GRM1: variants seen among roughly 807,000 people sequenced by gnomAD.
The protein encoded by GRM1 is glutamate metabotropic receptor 1, also known as metabotropic glutamate receptor 1.
A neutral mutation model predicts 90.9 loss-of-function variants in GRM1; 33 were observed. The observed-to-expected ratio is 0.36, with a 90% CI of 0.28 to 0.49. GRM1 has a LOEUF of 0.49. Ranked by LOEUF, GRM1 falls within the 20% of genes least tolerant of loss-of-function variation. GRM1 has a pLI of 0.99. For synonymous variants in GRM1, 700 were observed against 613.2 expected, an observed-to-expected ratio of 1.14 and a Z score of -2.09; for missense variants, 1,190 against 1,534.3, an observed-to-expected ratio of 0.78 and a Z score of 3.75.
intron 6 of GRM1, among the ~76,000 whole-genome samples, chr6:146,389,212 G>A (rs770696187): frequency 8.6e-5 from 13 of 151,962 alleles, no homozygotes; most frequent in Non-Finnish European, 1.9e-4. Context: ...CAGCTGACTA[G>A]GAAAAAGCTC....
At chr6:146,177,653 G>C (rs754056280) in intron 2 of GRM1, among the ~76,000 whole-genome samples, 3 of 151,968 alleles carry the variant, frequency 2.0e-5, no homozygotes, top group Non-Finnish European at 4.4e-5. Context: ...TGGCATCTCT[G>C]CCTTCACTGA....
In GRM1 at chr6:146,174,410, T is replaced by G. The variant is rs759663754; in HGVS notation, c.950+14813T>G. Among the ~76,000 whole-genome samples, 46 of 152,338 alleles carry G rather than the reference T, an allele frequency of 3.0e-4. 1 individual carries two copies. The highest frequency in any genetic ancestry group is 1.6e-3 in the Admixed American group (25 of 15,306). Reference sequence around the variant, plus strand: ...TAGCACATTATATAGTTCTTAAATTTTACTCTAGTCCATGCCTGTGGGGAT... The same window carrying G: ...TAGCACATTATATAGTTCTTAAATTGTACTCTAGTCCATGCCTGTGGGGAT... On this transcript the variant is annotated intron_variant, in intron 2 of 7. Transcript: ENST00000282753.
At chr6:146,122,770 C>G (rs1380113748) in intron 1 of GRM1, among the ~76,000 whole-genome samples, 1 of 145,958 alleles carries the variant, frequency 6.9e-6, no homozygotes, top group Admixed American at 6.8e-5. Flanking sequence ...TTTCAAATCT[C>G]TAAGAATTCT....
chr6:146,383,042 G>GAA (rs1360568391), intron 5 of GRM1, among the ~76,000 whole-genome samples: 2,742 of 152,168 alleles, frequency 0.018, 74 homozygotes, highest in African/African-American at 0.063. Context: ...TGAGTCTAGA[G>GAA]GGTTGACTAT....
chr6:146,408,516 T>C (rs1204227902), intron 7 of GRM1, among the ~76,000 whole-genome samples: 7 of 152,218 alleles, frequency 4.6e-5, no homozygotes, highest in Admixed American at 4.6e-4. Context: ...ATCTCAATAA[T>C]TGTTAGCCCG....
At chr6:146,246,722 G>A (rs1338039853) in intron 2 of GRM1, among the ~76,000 whole-genome samples, 6 of 152,184 alleles carry the variant, frequency 3.9e-5, no homozygotes, top group Admixed American at 6.5e-5. Context: ...CATGAAATAG[G>A]TATCTGGATA....
intron 1 of GRM1, among the ~76,000 whole-genome samples, chr6:146,030,661 ATCTT>A (rs1313742613): frequency 6.6e-6 from 1 of 152,174 alleles, no homozygotes; most frequent in African/African-American, 2.4e-5. Flanking sequence ...TCAAAGCTTT[ATCTT>A]TCTTTAACAG....
At chr6:146,293,970 A>G (rs1783085742) in intron 2 of GRM1, among the ~76,000 whole-genome samples, 1 of 147,404 alleles carries the variant, frequency 6.8e-6, no homozygotes, top group Non-Finnish European at 1.5e-5. Flanking sequence ...TTTATGCTAA[A>G]TATTGTTTTT....
intron 1 of GRM1, among the ~76,000 whole-genome samples, chr6:146,121,600 G>T (rs1775991688): frequency 6.6e-6 from 1 of 152,144 alleles, no homozygotes; most frequent in Non-Finnish European, 1.5e-5. Flanking sequence ...TCTACACACT[G>T]CTTTAAATGT....
intron 3 of GRM1, among the ~76,000 whole-genome samples, chr6:146,316,736 T>C (rs1023724293): frequency 1.3e-5 from 2 of 152,136 alleles, no homozygotes; most frequent in East Asian, 3.9e-4. Context: ...CATGCTCCTC[T>C]GATTGGGGAC....
chr6:146,113,343 A>C (rs990176944), intron 1 of GRM1, among the ~76,000 whole-genome samples: 11 of 152,186 alleles, frequency 7.2e-5, no homozygotes, highest in Admixed American at 2.6e-4. Flanking sequence ...CTGCAACTTA[A>C]AGCTTCATGA....
chr6:146,288,614 T>C (rs937709241), intron 2 of GRM1, among the ~76,000 whole-genome samples: 1 of 152,028 alleles, frequency 6.6e-6, no homozygotes, highest in African/African-American at 2.4e-5. Context: ...CAAGCGATTC[T>C]CCTGCCTCAG....
intron 2 of GRM1, among the ~76,000 whole-genome samples, chr6:146,272,340 C>T (rs899702383): frequency 2.0e-5 from 3 of 152,100 alleles, no homozygotes; most frequent in African/African-American, 4.8e-5. Context: ...CAAACATTAT[C>T]GGTTGCATTT....
chr6:146,323,798 C>T (rs1263489137), intron 3 of GRM1, among the ~76,000 whole-genome samples: 2 of 152,164 alleles, frequency 1.3e-5, no homozygotes, highest in African/African-American at 4.8e-5. Flanking sequence ...CCAGTTTCAG[C>T]TTTCTACATA....
intron 1 of GRM1, among the ~76,000 whole-genome samples, chr6:146,145,512 G>C (rs1777062504): frequency 1.3e-5 from 2 of 152,148 alleles, no homozygotes; most frequent in African/African-American, 4.8e-5. Context: ...AGTAGCCCTA[G>C]GTACAGCTTG....
intron 1 of GRM1, among the ~76,000 whole-genome samples, chr6:146,122,708 T>G (rs1288421256): frequency 6.6e-6 from 1 of 151,996 alleles, no homozygotes; most frequent in Non-Finnish European, 1.5e-5. Context: ...TGTCTTATTT[T>G]TAATTGCTTC....
intron 2 of GRM1, among the ~76,000 whole-genome samples, chr6:146,233,275 C>T (rs1780508943): frequency 6.6e-6 from 1 of 152,108 alleles, no homozygotes; most frequent in Non-Finnish European, 1.5e-5. Flanking sequence ...GCTTTAGCTG[C>T]ATCCAGTAGT....
intron 2 of GRM1, among the ~76,000 whole-genome samples, chr6:146,255,201 T>C (rs1372721092): frequency 6.6e-6 from 1 of 152,216 alleles, no homozygotes; most frequent in Admixed American, 6.5e-5. Context: ...CCTATTTGGA[T>C]ATTTTTGGTA....
intron 7 of GRM1, among the ~76,000 whole-genome samples, chr6:146,425,525 AC>A (rs1369782534): frequency 7.3e-6 from 1 of 136,512 alleles, no homozygotes; most frequent in Non-Finnish European, 1.7e-5. Flanking sequence ...GTTACCCTGG[AC>A]AGTTGTCACC....
Sources: allele counts gnomAD v4.1 joint callset (sites outside exome capture counted in the v4.1 genomes callset), GRCh38; gene constraint gnomAD v4.1.1; transcripts MANE v1.5; gene names NCBI Gene and HGNC (gene_info 2026-07-23, HGNC 2026-07-21).